PHACTR1: variants seen among roughly 807,000 people sequenced by gnomAD.
PHACTR1 encodes RPEL repeat containing 1.
In PHACTR1, 16 loss-of-function variants were observed where a neutral mutation model predicts 69.2. That is an observed-to-expected ratio of 0.23 (90% CI 0.16 to 0.35). The LOEUF (loss-of-function observed/expected upper bound fraction) is 0.35. PHACTR1 is among the 10% of genes least tolerant of loss of function. The pLI is 1.00. For missense variants in PHACTR1, 510 were observed against 734.7 expected (o/e 0.69, Z 3.54); for synonymous variants, 312 against 284.5 (o/e 1.10, Z -0.97).
chr6:13,172,247 A>G (rs565838020), intron 6 of PHACTR1, among the ~76,000 whole-genome samples: 19 of 152,304 alleles, frequency 1.2e-4, no homozygotes, highest in African/African-American at 4.6e-4. Context: ...CATTTTTTAT[A>G]TCAAAATGCC....
chr6:12,916,019 C>A (rs886495202), intron 4 of PHACTR1, among the ~76,000 whole-genome samples: 2 of 152,200 alleles, frequency 1.3e-5, no homozygotes, highest in Non-Finnish European at 2.9e-5. Flanking sequence ...CCAGGCAAAA[C>A]TGTGCGTGGA....
intron 10 of PHACTR1, among the ~76,000 whole-genome samples, chr6:13,260,780 G>A: frequency 6.6e-6 from 1 of 152,132 alleles, no homozygotes; most frequent in East Asian, 1.9e-4. Flanking sequence ...TATTAAGAGA[G>A]AAATATGAGA....
intron 3 of PHACTR1, among the ~76,000 whole-genome samples, chr6:12,747,116 A>G (rs757894017): frequency 1.3e-5 from 2 of 152,206 alleles, no homozygotes; most frequent in African/African-American, 2.4e-5. Flanking sequence ...TATGTTTAAC[A>G]GTGATAAACG....
intron 7 of PHACTR1, among the ~76,000 whole-genome samples, chr6:13,204,986 GCATGTCTTGGT>G (rs1428131817): frequency 2.6e-5 from 4 of 152,220 alleles, no homozygotes; most frequent in Admixed American, 6.5e-5. Context: ...TTGTAGACTA[GCATGTCTTGGT>G]CTGTTTTGTG....
chr6:13,147,108 G>A (rs146762526), intron 5 of PHACTR1, among the ~76,000 whole-genome samples: 72 of 152,318 alleles, frequency 4.7e-4, no homozygotes, highest in Middle Eastern at 3.4e-3. Context: ...AAGGTTGTAC[G>A]TGGGGCTTAA....
chr6:12,771,544 G>A (rs1169348486), intron 4 of PHACTR1, among the ~76,000 whole-genome samples: 1 of 152,192 alleles, frequency 6.6e-6, no homozygotes, highest in Non-Finnish European at 1.5e-5. Flanking sequence ...TTCTTGCCCA[G>A]TGGATTGAAT....
At chr6:12,882,122 CAG>C (rs1307826993) in intron 4 of PHACTR1, among the ~76,000 whole-genome samples, 1 of 152,032 alleles carries the variant, frequency 6.6e-6, no homozygotes, top group African/African-American at 2.4e-5. Context: ...CTGAGAGGGA[CAG>C]GGGGATGGAG....
chr6:13,136,817 C>G (rs1340220645), intron 5 of PHACTR1, among the ~76,000 whole-genome samples: 1 of 152,182 alleles, frequency 6.6e-6, no homozygotes, highest in African/African-American at 2.4e-5. Flanking sequence ...ATGGAACAGT[C>G]AGAACACACA....
Position 13,179,228 on chromosome 6 carries a change from C to A in PHACTR1, c.497-3291C>A, listed in dbSNP as rs914713113. ...TCCAGCCTGGGCAACAGAGTGAGACCCTGTCTCAAACAAACAGCAACAACA... is the reference window on the plus strand; with the variant it reads ...TCCAGCCTGGGCAACAGAGTGAGACACTGTCTCAAACAAACAGCAACAACA... On this transcript the variant is annotated intron_variant, in intron 6 of 14. Transcript: ENST00000332995. This position sits in a 1 kb window ranked among gnomAD's most constrained non-coding sequence, Gnocchi z 4.2. Among the ~76,000 whole-genome samples the A allele has an allele frequency of 2.6e-5, 4 of 151,842 alleles. No homozygotes were observed. The highest frequency in any genetic ancestry group is 2.6e-4 in the Admixed American group (4 of 15,222).
intron 3 of PHACTR1, among the ~76,000 whole-genome samples, chr6:12,729,039 T>C (rs866723150): frequency 1.6e-4 from 24 of 152,186 alleles, no homozygotes; most frequent in African/African-American, 5.8e-4. Flanking sequence ...TCCGTTCTTA[T>C]GTTAATTATG....
At chr6:12,810,503 G>C (rs775710211) in intron 4 of PHACTR1, among the ~76,000 whole-genome samples, 2 of 152,200 alleles carry the variant, frequency 1.3e-5, no homozygotes. Flanking sequence ...CTCAGTGGAT[G>C]GGGTTTCTGG....
chr6:13,040,047 C>T (rs1803908563), intron 4 of PHACTR1, among the ~76,000 whole-genome samples: 1 of 152,108 alleles, frequency 6.6e-6, no homozygotes, highest in Admixed American at 6.5e-5. Context: ...TAATGTTTTC[C>T]TTTGCACAGT....
intron 4 of PHACTR1, among the ~76,000 whole-genome samples, chr6:12,942,151 C>T (rs1790123392): frequency 1.3e-5 from 2 of 151,922 alleles, no homozygotes; most frequent in Non-Finnish European, 2.9e-5. Context: ...CTTGAGGAAA[C>T]AGAATATTCC....
chr6:12,774,845 C>T (rs1051184097), intron 4 of PHACTR1, among the ~76,000 whole-genome samples: 6 of 152,140 alleles, frequency 3.9e-5, no homozygotes, highest in African/African-American at 7.2e-5. Context: ...GAGGTGCGGG[C>T]CTTGGTGCCA....
intron 12 of PHACTR1, among the ~76,000 whole-genome samples, chr6:13,281,926 GA>G (rs1432259486): frequency 6.6e-6 from 1 of 152,262 alleles, no homozygotes; most frequent in African/African-American, 2.4e-5. Flanking sequence ...AGAGGCGGCT[GA>G]GCCCCTGATC....
At chr6:12,796,383 C>G (rs535592995) in intron 4 of PHACTR1, among the ~76,000 whole-genome samples, 2 of 152,288 alleles carry the variant, frequency 1.3e-5, no homozygotes, top group South Asian at 2.1e-4. Context: ...AGACCTTGTT[C>G]CCAGTACAGA....
At chr6:13,284,543 A>T (rs9473893) in intron 13 of PHACTR1, among the ~76,000 whole-genome samples, 2,624 of 59,750 alleles carry the variant, frequency 0.044, 58 homozygotes, top group Non-Finnish European at 0.051. Flanking sequence ...AAAAAAAAAA[A>T]ATATATATAT....
At chr6:12,736,752 T>C (rs1020116468) in intron 3 of PHACTR1, among the ~76,000 whole-genome samples, 1 of 152,152 alleles carries the variant, frequency 6.6e-6, no homozygotes, top group Non-Finnish European at 1.5e-5. Context: ...AAAAACGATA[T>C]AGTACAAAGA....
Position 12,886,236 on chromosome 6 carries a change from T to A in PHACTR1, c.250+136446T>A, listed in dbSNP as rs140786773. Among the ~76,000 whole-genome samples the A allele has an allele frequency of 1.8e-3, 265 of 144,540 alleles. 1 individual carries two copies. Among genetic ancestry groups the A allele is most frequent in the African/African-American group, 6.3e-3 (243 of 38,720 alleles). The allele number at this position is 144,540 out of a possible 152,430, so 94.8% of individuals were successfully genotyped here. A position where few individuals can be genotyped will look rare whatever the true frequency, so the allele number is the denominator to read the frequency against. On this transcript the variant is annotated intron_variant, in intron 4 of 14. Transcript: ENST00000332995. ...AAACCACAAGTGCATATAATCCTCA[T>A]GTTAAAGTTGTTGTTTGATTGTTAA...
Sources: allele counts gnomAD v4.1 joint callset (sites outside exome capture counted in the v4.1 genomes callset), GRCh38; gene constraint gnomAD v4.1.1; non-coding constraint Gnocchi (gnomAD v3.1); transcripts MANE v1.5; gene names NCBI Gene and HGNC (gene_info 2026-07-23, HGNC 2026-07-21).